The following KCTD16 variants were observed in gnomAD, a reference collection of about 807,000 sequenced individuals.
KCTD16 encodes the protein potassium channel tetramerization domain containing 16.
Under a neutral mutation model 33.2 loss-of-function variants are expected in KCTD16, and 13 were observed. That is an observed-to-expected ratio of 0.39 (90% confidence interval 0.25 to 0.62). The LOEUF is 0.62. KCTD16 is among the 20% of genes least tolerant of loss of function. KCTD16 has a pLI of 0.50. For missense variants in KCTD16, 441 were observed against 525.1 expected (o/e 0.84, Z 1.57); for synonymous variants, 197 against 195.3 (o/e 1.01, Z -0.07).
chr5:144,176,391 T>G (rs1752507199), intron 2 of KCTD16, among the ~76,000 whole-genome samples: 1 of 137,682 alleles, frequency 7.3e-6, no homozygotes, highest in Non-Finnish European at 1.6e-5. Flanking sequence ...GTGTTTCTTT[T>G]TTTTTTTTTT....
Position 144,482,664 on chromosome 5 carries a change from C to A in KCTD16, c.*8550C>A, listed in dbSNP as rs1467565644. The A allele has an allele frequency of 6.6e-6, 1 of 151,584 alleles. No homozygotes were observed. Among genetic ancestry groups the A allele is most frequent in the Non-Finnish European group, 1.5e-5 (1 of 67,798 alleles). 9.4% of individuals were successfully genotyped at this position (151,584 alleles called of 1,614,324 possible). Reference sequence around the variant, plus strand: ...AGAGGCAGCTTTAGAAAAGAAACTTCACCGAAATACGTGCATGCATGTGTG... The same window carrying A: ...AGAGGCAGCTTTAGAAAAGAAACTTAACCGAAATACGTGCATGCATGTGTG... On this transcript the variant is annotated 3_prime_UTR_variant, in exon 4 of 4. Transcript: ENST00000512467.
intron 3 of KCTD16, among the ~76,000 whole-genome samples, chr5:144,400,822 T>C (rs181742382): frequency 4.2e-4 from 64 of 152,174 alleles, no homozygotes; most frequent in African/African-American, 1.4e-3. Context: ...AGAAAAGACC[T>C]CTTTAAGGAG....
chr5:144,397,716 G>GC (rs542184411), intron 3 of KCTD16, among the ~76,000 whole-genome samples: 5 of 152,132 alleles, frequency 3.3e-5, no homozygotes, highest in Non-Finnish European at 7.4e-5. Context: ...CCAAAAAAGA[G>GC]CCCGCATTGC....
chr5:144,440,645 G>T (rs187507357), intron 3 of KCTD16, among the ~76,000 whole-genome samples: 1 of 151,024 alleles, frequency 6.6e-6, no homozygotes, highest in African/African-American at 2.4e-5. Context: ...CAGCTTGGGC[G>T]ATATAATGAG....
intron 3 of KCTD16, among the ~76,000 whole-genome samples, chr5:144,411,620 C>T (rs1014699804): frequency 2.0e-5 from 3 of 152,010 alleles, no homozygotes; most frequent in African/African-American, 7.2e-5. Context: ...TGACATTGTC[C>T]TGAGCAAGAA....
chr5:144,317,372 G>T (rs903769112), intron 3 of KCTD16, among the ~76,000 whole-genome samples: 4 of 152,140 alleles, frequency 2.6e-5, no homozygotes, highest in African/African-American at 9.7e-5. Context: ...TCAAAGTGTG[G>T]TCTATATACC....
In KCTD16 at chr5:144,479,817, A is replaced by G. The variant is rs1448922628; in HGVS notation, c.*5703A>G. ...CATCCTTGCATTATTTAGGAAATTTACTTTTAAAAGGATAAAGAAAAATGT... is the reference window on the plus strand; with the variant it reads ...CATCCTTGCATTATTTAGGAAATTTGCTTTTAAAAGGATAAAGAAAAATGT... On this transcript the variant is annotated 3_prime_UTR_variant, in exon 4 of 4. Coordinates refer to ENST00000512467, the MANE Select transcript of KCTD16 (RefSeq NM_020768.4). The G allele has an allele frequency of 2.0e-5, 3 of 152,038 alleles. No homozygotes were observed. Among genetic ancestry groups the G allele is most frequent in the East Asian group, 3.9e-4 (2 of 5,148 alleles). The allele number at this position is 152,038 out of a possible 1,614,324, so 9.4% of individuals were successfully genotyped here. A position where few individuals can be genotyped will look rare whatever the true frequency, so the allele number is the denominator to read the frequency against.
chr5:144,436,282 A>G (rs955070836), intron 3 of KCTD16, among the ~76,000 whole-genome samples: 1 of 152,210 alleles, frequency 6.6e-6, no homozygotes, highest in Non-Finnish European at 1.5e-5. Context: ...TATGATTAAT[A>G]TGATCTGGTG....
Position 144,294,670 on chromosome 5 carries a change from T to A in KCTD16, c.832+87124T>A, listed in dbSNP as rs73792376. 1.9e-3 allele frequency among the ~76,000 whole-genome samples: 291 copies of A among 152,310 alleles called. 2 individuals carry two copies. The highest frequency in any genetic ancestry group is 6.5e-3 in the African/African-American group (271 of 41,566). On this transcript the variant is annotated intron_variant, in intron 3 of 3. Transcript: ENST00000512467. ...TTTTTGGATTGAAAGTGAATTTGGG[T>A]GGCAAAATAGCTCAGTTAGAGCATG...
intron 3 of KCTD16, among the ~76,000 whole-genome samples, chr5:144,396,650 CATT>C (rs1157104444): frequency 6.6e-6 from 1 of 152,056 alleles, no homozygotes; most frequent in East Asian, 1.9e-4. Flanking sequence ...TCACATAATA[CATT>C]TTAATCACCT....
chr5:144,243,700 A>G (rs1472043720), intron 3 of KCTD16, among the ~76,000 whole-genome samples: 1 of 152,182 alleles, frequency 6.6e-6, no homozygotes, highest in African/African-American at 2.4e-5. Flanking sequence ...TCAAAGGTCC[A>G]GATGACTTGA....
At chr5:144,366,586 C>T (rs1383079604) in intron 3 of KCTD16, among the ~76,000 whole-genome samples, 2 of 152,282 alleles carry the variant, frequency 1.3e-5, no homozygotes, top group South Asian at 2.1e-4. Context: ...ATCTATGAAG[C>T]TTCAAGATGC....
At chr5:144,424,591 A>G (rs1387905763) in intron 3 of KCTD16, among the ~76,000 whole-genome samples, 3 of 152,196 alleles carry the variant, frequency 2.0e-5, no homozygotes, top group Non-Finnish European at 4.4e-5. Context: ...CAGACTGAGT[A>G]ACTTTAAAAG....
Position 144,483,763 on chromosome 5 carries a change from C to T in KCTD16, c.*9649C>T, listed in dbSNP as rs1011889320. On this transcript the variant is annotated 3_prime_UTR_variant, in exon 4 of 4. Coordinates refer to ENST00000512467, the MANE Select transcript of KCTD16 (RefSeq NM_020768.4). Reference sequence around the variant, plus strand: ...AGTTTGTATGCACACAAGCCCATGCCTTCAACTGATAGTCCTAGCACAGAT... The same window carrying T: ...AGTTTGTATGCACACAAGCCCATGCTTTCAACTGATAGTCCTAGCACAGAT... 4.6e-5 allele frequency: 7 copies of T among 152,058 alleles called. No individual in the cohort carries two copies. The highest frequency in any genetic ancestry group is 4.6e-4 in the Admixed American group (7 of 15,252). 9.4% of individuals were successfully genotyped at this position (152,058 alleles called of 1,614,324 possible).
At chr5:144,257,582 G>C (rs1249368455) in intron 3 of KCTD16, among the ~76,000 whole-genome samples, 1 of 151,958 alleles carries the variant, frequency 6.6e-6, no homozygotes, top group East Asian at 1.9e-4. Context: ...TCCGCCTCCT[G>C]GGTTCACGCC....
chr5:144,271,838 C>T (rs1156376685), intron 3 of KCTD16, among the ~76,000 whole-genome samples: 2 of 151,696 alleles, frequency 1.3e-5, no homozygotes, highest in Non-Finnish European at 2.9e-5. Context: ...AAAGTCAACA[C>T]ACAAAAATCA....
intron 3 of KCTD16, among the ~76,000 whole-genome samples, chr5:144,334,696 C>T (rs746958274): frequency 1.3e-5 from 2 of 152,146 alleles, no homozygotes; most frequent in Non-Finnish European, 2.9e-5. Flanking sequence ...GCTAACTTAC[C>T]GAATTTCACA....
Position 144,245,720 on chromosome 5 carries a change from C to T in KCTD16, c.832+38174C>T, listed in dbSNP as rs746694010. ...TTGTTGCAATAGTGAGTTCTCATGA[C>T]ATCTGGTTGTTTAAAAGTGTGTAGT... On this transcript the variant is annotated intron_variant, in intron 3 of 3. Coordinates refer to ENST00000512467, the MANE Select transcript of KCTD16 (RefSeq NM_020768.4). 9.9e-5 allele frequency among the ~76,000 whole-genome samples: 15 copies of T among 152,086 alleles called. 1 individual carries two copies. Among genetic ancestry groups the T allele is most frequent in the Admixed American group, 1.3e-4 (2 of 15,260 alleles).
At chr5:144,276,114 T>C (rs905376559) in intron 3 of KCTD16, among the ~76,000 whole-genome samples, 3 of 152,234 alleles carry the variant, frequency 2.0e-5, no homozygotes, top group Middle Eastern at 3.2e-3. Context: ...AAAGGCTCCT[T>C]TGCCTTAAAC....
Sources: gnomAD v4.1 joint callset for allele counts (sites outside exome capture counted in the v4.1 genomes callset) on GRCh38, gnomAD v4.1.1 for gene constraint, MANE v1.5 for transcripts, NCBI Gene and HGNC (gene_info 2026-07-23, HGNC 2026-07-21) for gene names.